The following NCAM2 variants were observed in gnomAD, a reference collection of about 807,000 sequenced individuals.
NCAM2 encodes neural cell adhesion molecule 2.
Under a neutral mutation model 98.1 loss-of-function variants are expected in NCAM2, and 30 were observed. The ratio of observed to expected loss-of-function variants is 0.31; its 90% CI spans 0.23 to 0.41. NCAM2 has a LOEUF of 0.41. Among genes scored for constraint, NCAM2 ranks in the 10% least tolerant of loss-of-function variants. NCAM2 has a pLI of 1.00. For missense variants in NCAM2, 867 were observed against 1,005.8 expected (o/e 0.86, Z 1.87); for synonymous variants, 368 against 342.4 (o/e 1.07, Z -0.83).
rs926716759 is a variant in NCAM2 at position 21,247,186 on chromosome 21, G to C, written c.56-33392G>C. ...TACAAAAATTTAGCCTGGCGTGGTG[G>C]TGGGCACCTGTAGTCCCAGCTACTC... is the stretch of plus-strand genomic sequence containing the variant. On this transcript the variant is annotated intron_variant, in intron 1 of 17. Transcript: ENST00000400546. 3.3e-5 allele frequency among the ~76,000 whole-genome samples: 5 copies of C among 152,058 alleles called. No individual in the cohort carries two copies. The East Asian group carries it at 9.7e-4, about 29-fold the overall frequency.
At chr21:21,396,098 TCAC>T (rs926116808) in intron 9 of NCAM2, among the ~76,000 whole-genome samples, 2 of 150,570 alleles carry the variant, frequency 1.3e-5, no homozygotes, top group African/African-American at 4.9e-5. Flanking sequence ...AAGAGAATCT[TCAC>T]AAACTGTGCA....
chr21:21,430,873 C>T (rs1245008081), intron 11 of NCAM2, among the ~76,000 whole-genome samples: 1 of 151,600 alleles, frequency 6.6e-6, no homozygotes, highest in African/African-American at 2.4e-5. Context: ...TGGTGAAACC[C>T]TATCTCTACT....
At chr21:21,212,399 G>C (rs117360526) in intron 1 of NCAM2, among the ~76,000 whole-genome samples, 1 of 152,144 alleles carries the variant, frequency 6.6e-6, no homozygotes, top group African/African-American at 2.4e-5. Context: ...ACATCAGAGG[G>C]GCAAGTGAGA....
intron 1 of NCAM2, among the ~76,000 whole-genome samples, chr21:21,106,133 A>C (rs899438694): frequency 3.3e-5 from 5 of 151,854 alleles, no homozygotes; most frequent in African/African-American, 1.2e-4. Flanking sequence ...AAAGCAAGAC[A>C]CAGTCTCTAC....
chr21:21,009,664 A>C (rs759496164), intron 1 of NCAM2, among the ~76,000 whole-genome samples: 3 of 152,058 alleles, frequency 2.0e-5, no homozygotes, highest in Non-Finnish European at 2.9e-5. Flanking sequence ...TAAAGCAAGT[A>C]TTTAATGTCC....
At chr21:21,336,831 A>C (rs1402790834) in intron 7 of NCAM2, among the ~76,000 whole-genome samples, 1 of 152,208 alleles carries the variant, frequency 6.6e-6, no homozygotes, top group Non-Finnish European at 1.5e-5. Context: ...AATTGGATAA[A>C]TCAGGAAGCA....
chr21:21,326,953 A>G (rs2074529675), intron 6 of NCAM2, among the ~76,000 whole-genome samples: 1 of 152,176 alleles, frequency 6.6e-6, no homozygotes, highest in Admixed American at 6.5e-5. Flanking sequence ...CCCGAGAGAA[A>G]TGTCCAGACT....
chr21:21,141,491 G>A (rs1051813061), intron 1 of NCAM2, among the ~76,000 whole-genome samples: 6 of 152,170 alleles, frequency 3.9e-5, no homozygotes, highest in African/African-American at 4.8e-5. Context: ...CAGAATAAAT[G>A]TTGGATTTTT....
intron 16 of NCAM2, among the ~76,000 whole-genome samples, chr21:21,527,024 G>A (rs987149993): frequency 2.0e-5 from 3 of 151,646 alleles, no homozygotes; most frequent in Middle Eastern, 3.4e-3. Context: ...AAAACTACTA[G>A]AATAAAACAT....
At chr21:21,445,939 A>G (rs1980060076) in intron 12 of NCAM2, among the ~76,000 whole-genome samples, 1 of 152,014 alleles carries the variant, frequency 6.6e-6, no homozygotes, top group African/African-American at 2.4e-5. Flanking sequence ...ATTGGTCTTT[A>G]TATTTTGGTG....
At chr21:21,213,324 T>A (rs571153706) in intron 1 of NCAM2, among the ~76,000 whole-genome samples, 1 of 152,272 alleles carries the variant, frequency 6.6e-6, no homozygotes, top group East Asian at 1.9e-4. Context: ...TGACTAAAGG[T>A]TAAGCTAGAG....
At chr21:21,248,634 G>A (rs2147274521) in intron 1 of NCAM2, among the ~76,000 whole-genome samples, 1 of 151,792 alleles carries the variant, frequency 6.6e-6, no homozygotes, top group Non-Finnish European at 1.5e-5. Flanking sequence ...AAAATTAGCT[G>A]GGCGTGGTGG....
At chr21:21,288,814 A>G (rs2073191898) in intron 4 of NCAM2, among the ~76,000 whole-genome samples, 1 of 151,978 alleles carries the variant, frequency 6.6e-6, no homozygotes, top group African/African-American at 2.4e-5. Flanking sequence ...TCAAAAGTAA[A>G]ATATAGATAT....
intron 1 of NCAM2, among the ~76,000 whole-genome samples, chr21:21,188,443 T>C (rs908247732): frequency 1.3e-5 from 2 of 152,162 alleles, no homozygotes; most frequent in African/African-American, 4.8e-5. Context: ...AAAAGTAATA[T>C]TTATTATAAA....
Position 21,410,428 on chromosome 21 carries a change from G to T in NCAM2, c.1350G>T (p.Lys450Asn). The change falls in exon 10 of 18, where the codon AAG becomes AAT. Residue 450 changes from lysine to asparagine, a missense_variant. Around this residue, in one of 5 missense-constraint regions of NCAM2, gnomAD observed 56 missense variants for 39.6 expected, o/e 1.41. Coordinates refer to ENST00000400546, the MANE Select transcript of NCAM2 (RefSeq NM_004540.5). ...VLPAKNTTNLKTYSTGRKMIL... is the reference protein window; with the variant it reads ...VLPAKNTTNLNTYSTGRKMIL... ...CTGCTAAAAACACGACCAATTTAAA[G>T]ACTTATAGTACAGGAAGAAAGATGA... 1 of 1,584,928 alleles carries T rather than the reference G, an allele frequency of 6.3e-7. No individual in the cohort carries two copies. The highest frequency in any genetic ancestry group is 1.2e-5 in the South Asian group (1 of 86,354).
chr21:21,141,797 C>G (rs1392751060), intron 1 of NCAM2, among the ~76,000 whole-genome samples: 1 of 152,150 alleles, frequency 6.6e-6, no homozygotes, highest in Admixed American at 6.5e-5. Context: ...TGCCCTGGAC[C>G]AGGAATCAGG....
intron 15 of NCAM2, among the ~76,000 whole-genome samples, chr21:21,494,734 A>G (rs1987094945): frequency 6.6e-6 from 1 of 151,696 alleles, no homozygotes; most frequent in African/African-American, 2.4e-5. Flanking sequence ...CAGTATAGAT[A>G]AGATAATAGA....
chr21:21,231,504 T>A (rs2070624297), intron 1 of NCAM2, among the ~76,000 whole-genome samples: 1 of 151,426 alleles, frequency 6.6e-6, no homozygotes, highest in African/African-American at 2.4e-5. Flanking sequence ...AATTAATGCA[T>A]ATTATTATGG....
intron 5 of NCAM2, among the ~76,000 whole-genome samples, chr21:21,310,171 T>C (rs572360914): frequency 2.6e-5 from 4 of 152,324 alleles, no homozygotes; most frequent in Admixed American, 2.6e-4. Context: ...TTCTTCCTAC[T>C]TTATCCATAC....
Sources: allele counts gnomAD v4.1 joint callset (sites outside exome capture counted in the v4.1 genomes callset), GRCh38; gene constraint gnomAD v4.1.1; regional missense constraint gnomAD v4.1.1; transcripts MANE v1.5; gene names NCBI Gene and HGNC (gene_info 2026-07-23, HGNC 2026-07-21).